CPVL: variants seen among roughly 807,000 people sequenced by gnomAD.
CPVL encodes the protein carboxypeptidase vitellogenic like.
In CPVL, 51 loss-of-function variants were observed where a neutral mutation model predicts 63.7. The ratio of observed to expected loss-of-function variants is 0.80; its 90% CI spans 0.64 to 1.01. The LOEUF (loss-of-function observed/expected upper bound fraction) is 1.01. Among genes scored for constraint, CPVL ranks in the 50% least tolerant of loss-of-function variants. The pLI, the probability that CPVL is intolerant of heterozygous loss-of-function variation, is 0.00. For synonymous variants in CPVL, 195 were observed against 206.0 expected, an observed-to-expected ratio of 0.95 and a Z score of 0.46; for missense variants, 530 against 573.1, an observed-to-expected ratio of 0.92 and a Z score of 0.77.
intron 12 of CPVL, among the ~76,000 whole-genome samples, chr7:29,015,225 T>G (rs897541559): frequency 7.2e-5 from 11 of 152,210 alleles, no homozygotes; most frequent in African/African-American, 2.4e-4. Flanking sequence ...GTGGTTAGCA[T>G]GTGCTGCCAA....
rs1793661128 is a variant in CPVL, at chr7:29,152,013, C to A, written c.-11+29277G>T. Among the ~76,000 whole-genome samples, 3 of 152,132 alleles carry A rather than the reference C, an allele frequency of 2.0e-5. No homozygotes were observed. In the South Asian group the frequency reaches 6.2e-4, roughly 31 times the overall value. ...TCTTGTTTAGGTTTTATTTTATTTTCTTCGAATGGAAATAGTGGTTAGTGC... is the reference window on the plus strand; with the variant it reads ...TCTTGTTTAGGTTTTATTTTATTTTATTCGAATGGAAATAGTGGTTAGTGC... On this transcript the variant is annotated intron_variant, in intron 5 of 16. Coordinates refer to the CPVL transcript ENST00000409850.
chr7:29,039,779 G>A (rs1788891546), intron 11 of CPVL, among the ~76,000 whole-genome samples: 1 of 152,162 alleles, frequency 6.6e-6, no homozygotes, highest in Admixed American at 6.5e-5. Context: ...GGAGGCTTTG[G>A]TATCTCAGCA....
intron 12 of CPVL, among the ~76,000 whole-genome samples, chr7:29,002,724 T>G (rs1293658071): frequency 6.6e-6 from 1 of 151,346 alleles, no homozygotes; most frequent in East Asian, 1.9e-4. Context: ...AAAAAGTTAC[T>G]CATTCATTGT....
intron 5 of CPVL, among the ~76,000 whole-genome samples, chr7:29,164,014 G>A (rs538021039): frequency 7.9e-5 from 12 of 152,138 alleles, no homozygotes; most frequent in African/African-American, 1.4e-4. Context: ...ATATGCTTTC[G>A]TTTCTCTTGG....
chr7:29,146,450 C>G lies in CPVL; in HGVS notation c.-32G>C. ...TTACGCGGCGCAGTCGGTGCTCCTC[C>G]CTGAGCCGCGGCGCGCAAGGACCCC... On this transcript the variant is annotated 5_prime_UTR_variant, in exon 1 of 13. Coordinates refer to ENST00000265394, the MANE Select transcript of CPVL (RefSeq NM_031311.5). The G allele has an allele frequency of 7.4e-7, 1 of 1,353,868 alleles. No individual in the cohort carries two copies. The highest frequency in any genetic ancestry group is 2.5e-5 in the East Asian group (1 of 39,400). The allele number at this position is 1,353,868 out of a possible 1,614,324, so 83.9% of individuals were successfully genotyped here. A position where few individuals can be genotyped will look rare whatever the true frequency, so the allele number is the denominator to read the frequency against.
chr7:29,093,413 A>C (rs928058398), intron 5 of CPVL, among the ~76,000 whole-genome samples: 1 of 148,536 alleles, frequency 6.7e-6, no homozygotes, highest in African/African-American at 2.5e-5. Flanking sequence ...GAAACTCTTT[A>C]GGCTGAAGAA....
chr7:29,173,406 G>T (rs1166640238), intron 5 of CPVL, among the ~76,000 whole-genome samples: 2 of 152,008 alleles, frequency 1.3e-5, no homozygotes, highest in Non-Finnish European at 2.9e-5. Context: ...AATACATGAG[G>T]ATTTCTGCTC....
chr7:29,177,990 C>T (rs1417800497), intron 5 of CPVL, among the ~76,000 whole-genome samples: 1 of 152,148 alleles, frequency 6.6e-6, no homozygotes, highest in Non-Finnish European at 1.5e-5. Flanking sequence ...AGTGGCACCA[C>T]CAGCCATTTA....
At chr7:29,129,510 G>T (rs148029781) in intron 1 of CPVL, among the ~76,000 whole-genome samples, 1 of 147,512 alleles carries the variant, frequency 6.8e-6, no homozygotes, top group Non-Finnish European at 1.5e-5. Flanking sequence ...TCGCTCGGTC[G>T]CCAGGGTGGA....
At chr7:28,996,007 G>A in intron 12 of CPVL, 125 bp from the exon 13 acceptor site, 1 of 572,394 alleles carries the variant, frequency 1.7e-6, no homozygotes, top group Non-Finnish European at 2.9e-6. Context: ...TTCTCCCAAT[G>A]CATGCCTTTG....
At chr7:29,157,456 C>G (rs936354186) in intron 5 of CPVL, among the ~76,000 whole-genome samples, 2 of 152,002 alleles carry the variant, frequency 1.3e-5, no homozygotes, top group Non-Finnish European at 1.5e-5. Flanking sequence ...AAGCTGGAAA[C>G]TTTAAAGTTA....
At chr7:29,139,192 T>A (rs754708634) in intron 1 of CPVL, among the ~76,000 whole-genome samples, 2 of 152,228 alleles carry the variant, frequency 1.3e-5, no homozygotes, top group Admixed American at 1.3e-4. Flanking sequence ...AATTCCTGAA[T>A]GTACAAGGTC....
chr7:29,163,250 A>G (rs903625405), intron 5 of CPVL, among the ~76,000 whole-genome samples: 3 of 152,186 alleles, frequency 2.0e-5, no homozygotes, highest in African/African-American at 7.2e-5. Context: ...CTACAAGTGT[A>G]AAGTATATAC....
upstream of CPVL, chr7:29,146,733 G>A: frequency 6.4e-7 from 1 of 1,550,492 alleles, no homozygotes; most frequent in South Asian, 1.2e-5. Context: ...AGCATCGGCG[G>A]GGTGCCATTC....
At chr7:29,023,344 C>A (rs1230078853) in intron 12 of CPVL, among the ~76,000 whole-genome samples, 1 of 152,166 alleles carries the variant, frequency 6.6e-6, no homozygotes, top group Admixed American at 6.5e-5. Flanking sequence ...GGGCAGCAGG[C>A]AAGAGAGCTT....
At chr7:29,013,888 C>T (rs1786114132) in intron 12 of CPVL, among the ~76,000 whole-genome samples, 2 of 152,214 alleles carry the variant, frequency 1.3e-5, no homozygotes, top group Admixed American at 6.5e-5. Flanking sequence ...GCATAAAAGG[C>T]CTCACTATTT....
chr7:29,090,368 G>A (rs1354369714), intron 6 of CPVL, among the ~76,000 whole-genome samples: 4 of 152,136 alleles, frequency 2.6e-5, no homozygotes, highest in Non-Finnish European at 5.9e-5. Flanking sequence ...CCTGGCACAG[G>A]ACACAGAGTT....
intron 5 of CPVL, among the ~76,000 whole-genome samples, chr7:29,178,543 G>A (rs245914): frequency 6.6e-5 from 10 of 151,902 alleles, no homozygotes; most frequent in Non-Finnish European, 1.0e-4. Context: ...TCCGAGAGAC[G>A]TTGCCTGACA....
chr7:29,098,421 C>T (rs900293616), intron 3 of CPVL, among the ~76,000 whole-genome samples: 1 of 152,200 alleles, frequency 6.6e-6, no homozygotes, highest in African/African-American at 2.4e-5. Flanking sequence ...CTGGGGCACA[C>T]CCCTCCTATG....
Sources: gnomAD v4.1 joint callset for allele counts (sites outside exome capture counted in the v4.1 genomes callset) on GRCh38, gnomAD v4.1.1 for gene constraint, MANE v1.5 for transcripts, NCBI Gene and HGNC (gene_info 2026-07-23, HGNC 2026-07-21) for gene names.